Variants in MGAT3 observed in about 807,000 individuals in gnomAD.
MGAT3 encodes the protein GlcNAc-T III.
Under a neutral mutation model 29.8 loss-of-function variants are expected in MGAT3, and 9 were observed. That is an observed-to-expected ratio of 0.30 (90% CI 0.18 to 0.53). MGAT3 has a LOEUF of 0.53. MGAT3 is among the 20% of genes least tolerant of loss of function. The pLI is 0.96. For missense variants in MGAT3, 557 were observed against 769.5 expected (o/e 0.72, Z 3.27); for synonymous variants, 397 against 348.9 (o/e 1.14, Z -1.54).
intron 1 of MGAT3, among the ~76,000 whole-genome samples, chr22:39,473,555 A>G (rs1928869681): frequency 6.6e-6 from 1 of 152,118 alleles, no homozygotes; most frequent in African/African-American, 2.4e-5. Context: ...TAAATTTCCT[A>G]CATGTGAACG....
chr22:39,466,483 T>G (rs1417989290), intron 1 of MGAT3, among the ~76,000 whole-genome samples: 9 of 152,062 alleles, frequency 5.9e-5, no homozygotes, highest in Admixed American at 4.6e-4. Flanking sequence ...GCCTCTTTCT[T>G]CCCCCGCGTC....
Position 39,483,872 on chromosome 22 carries a change from G to T in MGAT3, c.-1-3475G>T, listed in dbSNP as rs569241141. On this transcript the variant is annotated intron_variant, in intron 1 of 1. Coordinates refer to ENST00000341184, the MANE Select transcript of MGAT3 (RefSeq NM_002409.5). ...CTACCCCAGATTGTTCTACCTGCCC[G>T]CAGTCAGCTGTGCCCACTCCGTGTG... 3.0e-4 allele frequency among the ~76,000 whole-genome samples: 46 copies of T among 152,330 alleles called. No homozygotes were observed. In the Middle Eastern group the frequency reaches 0.014, roughly 45 times the overall value.
At chr22:39,484,485 G>A (rs534907454) in intron 1 of MGAT3, among the ~76,000 whole-genome samples, 1 of 152,100 alleles carries the variant, frequency 6.6e-6, no homozygotes, top group East Asian at 2.0e-4. Context: ...CGATTCTCCT[G>A]CCTCAGCCTC....
rs1414450822 is a variant in MGAT3 at position 39,457,580 on chromosome 22, G to T, written c.-2+23G>T. 2 of 150,020 alleles carry T rather than the reference G, an allele frequency of 1.3e-5. No individual in the cohort carries two copies. The highest frequency in any genetic ancestry group is 1.5e-5 in the Non-Finnish European group (1 of 66,976). 9.3% of individuals were successfully genotyped at this position (150,020 alleles called of 1,614,324 possible). A position where few individuals can be genotyped will look rare whatever the true frequency, so the allele number is the denominator to read the frequency against. Reference sequence around the variant, plus strand: ...TGGGTGAGTTGACCCCGGCGTCCTGGGGGGCGCCGCGGCCCCTCTATCCCC... The same window carrying T: ...TGGGTGAGTTGACCCCGGCGTCCTGTGGGGCGCCGCGGCCCCTCTATCCCC... On this transcript the variant is annotated intron_variant, in intron 1 of 1. Transcript: ENST00000341184. This position sits in a 1 kb window ranked among gnomAD's most constrained non-coding sequence, Gnocchi z 6.8.
rs143367523 is a variant in MGAT3 at position 39,478,153 on chromosome 22, G to T, written c.-1-9194G>T. ...AGCACAGGGAGACGGGCTTCAGCGC[G>T]AAGCCCTTTCGTACAGTTGAACTAA... On this transcript the variant is annotated intron_variant, in intron 1 of 1. Coordinates refer to ENST00000341184, the MANE Select transcript of MGAT3 (RefSeq NM_002409.5). Among the ~76,000 whole-genome samples the T allele has an allele frequency of 5.3e-5, 8 of 152,368 alleles. No homozygotes were observed. The East Asian group carries it at 1.5e-3, about 29-fold the overall frequency.
At chr22:39,466,437 A>G (rs1036988584) in intron 1 of MGAT3, among the ~76,000 whole-genome samples, 2 of 152,184 alleles carry the variant, frequency 1.3e-5, no homozygotes, top group African/African-American at 4.8e-5. Flanking sequence ...AATTTTGTCC[A>G]AACACCTCTG....
At chr22:39,482,080 A>C (rs1569004660) in intron 1 of MGAT3, among the ~76,000 whole-genome samples, 2 of 151,958 alleles carry the variant, frequency 1.3e-5, no homozygotes, top group Non-Finnish European at 2.9e-5. Context: ...CAGCTTCCCA[A>C]GTAGCTAGAA....
chr22:39,488,873 C>T lies in MGAT3; in HGVS notation c.1526C>T (p.Ala509Val), dbSNP rs200240561. 7.5e-6 allele frequency: 12 copies of T among 1,600,702 alleles called. No individual in the cohort carries two copies. Among genetic ancestry groups the T allele is most frequent in the East Asian group, 6.8e-5 (3 of 44,172 alleles). The change falls in exon 2 of 2, where the codon GCG becomes GTG. Residue 509 changes from alanine (A) to valine (V), a missense_variant. Coordinates refer to ENST00000341184, the MANE Select transcript of MGAT3 (RefSeq NM_002409.5). ...CCCTACCAGGAGCCCAGGAGCACGG[C>T]GGCGGGCGGGTGGCGCCACAGGGGT... The part of the protein sequence containing the change: ...DNPYQEPRST[A>V]AGGWRHRGPE...
At chr22:39,481,144 C>G (rs768554737) in intron 1 of MGAT3, among the ~76,000 whole-genome samples, 6 of 152,216 alleles carry the variant, frequency 3.9e-5, no homozygotes, top group Non-Finnish European at 7.3e-5. Context: ...CCCTCACTTG[C>G]TCCGTCCCAC....
At chr22:39,466,448 A>G (rs2145711989) in intron 1 of MGAT3, among the ~76,000 whole-genome samples, 1 of 151,690 alleles carries the variant, frequency 6.6e-6, no homozygotes, top group Non-Finnish European at 1.5e-5. Flanking sequence ...AACACCTCTG[A>G]CCTCCTTCCT....
chr22:39,488,102 A>C lies in MGAT3; in HGVS notation c.755A>C (p.Lys252Thr). The C allele has an allele frequency of 1.2e-6, 2 of 1,612,536 alleles. No homozygotes were observed. The highest frequency in any genetic ancestry group is 1.7e-6 in the Non-Finnish European group (2 of 1,179,472). The part of the protein sequence containing the change: ...FTAYGEPRPL[K>T]FREMLTNGTF... ...GCTTATGGGGAGCCGCGGCCGCTCA[A>C]GTTCCGGGAGATGCTGACCAATGGC... Residue 252 changes from lysine (K) to threonine (T), a missense_variant, in exon 2 of 2, where the codon AAG becomes ACG. By Grantham distance (78) the Lys-to-Thr change is moderately conservative. This residue lies in a region of MGAT3 where 243 missense variants were observed against 444.0 expected (regional missense o/e 0.55). Coordinates refer to ENST00000341184, the MANE Select transcript of MGAT3 (RefSeq NM_002409.5).
intron 1 of MGAT3, among the ~76,000 whole-genome samples, chr22:39,468,482 C>T (rs2145713882): frequency 6.6e-6 from 1 of 152,364 alleles, no homozygotes; most frequent in South Asian, 2.1e-4. Flanking sequence ...GCCATGAAGG[C>T]TCCAGTCATT....
rs562101419 is a variant in MGAT3 at position 39,481,381 on chromosome 22, G to A, written c.-1-5966G>A. On this transcript the variant is annotated intron_variant, in intron 1 of 1. Coordinates refer to ENST00000341184, the MANE Select transcript of MGAT3 (RefSeq NM_002409.5). ...TCCAGAGCACAGCCTCTTTGGGCGC[G>A]CAGTTTTCTGAGCTGACTAGTGTGT... Among the ~76,000 whole-genome samples, 5 of 152,194 alleles carry A rather than the reference G, an allele frequency of 3.3e-5. No individual in the cohort carries two copies. In the South Asian group the frequency reaches 8.3e-4, roughly 25 times the overall value.
intron 1 of MGAT3, among the ~76,000 whole-genome samples, chr22:39,467,137 T>C (rs1928671084): frequency 6.6e-6 from 1 of 152,234 alleles, no homozygotes; most frequent in Admixed American, 6.5e-5. Context: ...TCTCTTAGGC[T>C]GCGCAGTCCT....
intron 1 of MGAT3, among the ~76,000 whole-genome samples, chr22:39,458,706 A>C (rs1304564679): frequency 1.3e-5 from 2 of 152,212 alleles, no homozygotes; most frequent in Non-Finnish European, 2.9e-5. Context: ...AAGCTGCCAG[A>C]GATCTCTGGG....
chr22:39,486,209 G>A (rs984433032), intron 1 of MGAT3: 4 of 413,670 alleles, frequency 9.7e-6, no homozygotes, highest in Non-Finnish European at 1.9e-5. Flanking sequence ...GTGCAATGGC[G>A]TGATCATGGC....
chr22:39,460,351 G>C (rs738285), intron 1 of MGAT3, among the ~76,000 whole-genome samples: 119,336 of 152,092 alleles, frequency 0.78, 47,244 homozygotes, highest in East Asian at 1. Flanking sequence ...GCTCCACCTA[G>C]CCCTGTGCTG....
At chr22:39,461,799 C>T (rs1274150638) in intron 1 of MGAT3, among the ~76,000 whole-genome samples, 1 of 152,186 alleles carries the variant, frequency 6.6e-6, no homozygotes, top group Admixed American at 6.5e-5. Context: ...TATCAATAGC[C>T]AGCATGTGTT....
rs139617499 is a variant in MGAT3 at position 39,459,185 on chromosome 22, C to T, written c.-2+1628C>T. ...ACCTCCTGGGTTCAAGCAATTGTCCCACCTCGGCCTCCCGAGTAGCTGGGA... is the reference window on the plus strand; with the variant it reads ...ACCTCCTGGGTTCAAGCAATTGTCCTACCTCGGCCTCCCGAGTAGCTGGGA... On this transcript the variant is annotated intron_variant, in intron 1 of 1. Coordinates refer to ENST00000341184, the MANE Select transcript of MGAT3 (RefSeq NM_002409.5). Among the ~76,000 whole-genome samples, 244 of 151,564 alleles carry T rather than the reference C, an allele frequency of 1.6e-3. 5 individuals carry two copies. In the East Asian group the frequency reaches 0.043, roughly 26 times the overall value.
Sources: allele counts gnomAD v4.1 joint callset (sites outside exome capture counted in the v4.1 genomes callset), GRCh38; gene constraint gnomAD v4.1.1; regional missense constraint gnomAD v4.1.1; non-coding constraint Gnocchi (gnomAD v3.1); transcripts MANE v1.5; gene names NCBI Gene and HGNC (gene_info 2026-07-23, HGNC 2026-07-21).